RRAGB: variants seen among roughly 807,000 people sequenced by gnomAD.
RRAGB encodes the protein ras-related GTP-binding protein B.
In RRAGB, 6 loss-of-function variants were observed where a neutral mutation model predicts 29.3. The observed-to-expected ratio is 0.21, with a 90% CI of 0.11 to 0.40. The LOEUF (loss-of-function observed/expected upper bound fraction) is 0.40. Ranked by LOEUF, RRAGB falls within the 10% of genes least tolerant of loss-of-function variation. The pLI is 1.00. For missense variants in RRAGB, 184 were observed against 272.9 expected (o/e 0.67, Z 2.29); for synonymous variants, 101 against 92.5 (o/e 1.09, Z -0.53).
Position 55,758,345 on chromosome X carries a change from C to G in RRAGB, c.*2C>G. 2 of 1,145,870 alleles carry G rather than the reference C, an allele frequency of 1.7e-6. No homozygotes were observed. Among genetic ancestry groups the G allele is most frequent in the Non-Finnish European group, 2.4e-6 (2 of 840,768 alleles). The allele number at this position is 1,145,870 out of a possible 1,213,427, so 94.4% of individuals were successfully genotyped here. ...AAGCAGTGTCTTCTCATGCGCTAAA[C>G]ATTGATGAATATTGTTTCACACAAA... On this transcript the variant is annotated 3_prime_UTR_variant, in exon 10 of 10. Transcript: ENST00000374941.
At chrX:55,731,219 A>G in intron 4 of RRAGB, 145 bp from the exon 5 acceptor site, 1 of 463,698 alleles carries the variant, frequency 2.2e-6, no homozygotes, top group Non-Finnish European at 3.6e-6. Context: ...GTGAGAAGGT[A>G]AGGCCAGACT....
At chrX:55,729,508 A>G in intron 4 of RRAGB, 148 bp downstream of exon 4, 1 of 399,869 alleles carries the variant, frequency 2.5e-6, no homozygotes, top group Non-Finnish European at 4.4e-6. Flanking sequence ...GTCAATAAAC[A>G]TCTCTGACTT....
chrX:55,724,591 T>C (rs1056590908), intron 3 of RRAGB, among the ~76,000 whole-genome samples: 4 of 111,595 alleles, frequency 3.6e-5, no homozygotes, highest in Non-Finnish European at 5.7e-5. Context: ...GCCTCTGGAA[T>C]GTCTACCTGT....
chrX:55,748,174 A>G (rs1193738962), intron 5 of RRAGB, among the ~76,000 whole-genome samples: 1 of 112,463 alleles, frequency 8.9e-6, no homozygotes, highest in Non-Finnish European at 1.9e-5. Context: ...TCAATGCTCA[A>G]TGGTGCCCAG....
intron 4 of RRAGB, among the ~76,000 whole-genome samples, chrX:55,730,289 A>G (rs773533359): frequency 2.1e-4 from 24 of 112,337 alleles, no homozygotes; most frequent in Non-Finnish European, 3.6e-4. Context: ...GGATCACTTA[A>G]CATCCTAGCA....
intron 5 of RRAGB, among the ~76,000 whole-genome samples, chrX:55,733,710 T>C (rs911526416): frequency 8.9e-6 from 1 of 112,380 alleles, no homozygotes; most frequent in East Asian, 2.8e-4. Flanking sequence ...TTTGCTAATA[T>C]TTAGTTGAAG....
chrX:55,722,250 A>G lies in RRAGB; in HGVS notation c.191A>G (p.Tyr64Cys). ...ATGAGGTCTATTATCTTTGCAAATT[A>G]TATTGCCAGAGACACACGTCGCCTT... ...TSMRSIIFAN[Y>C]IARDTRRLGA... Residue 64 changes from tyrosine (Y) to cysteine (C), a missense_variant, in exon 3 of 10, where the codon TAT (tyrosine) becomes TGT (cysteine). Tyr to Cys is a radical substitution (Grantham distance 194). Coordinates refer to ENST00000374941, the MANE Select transcript of RRAGB (RefSeq NM_006064.5). The G allele has an allele frequency of 8.3e-7, 1 of 1,197,710 alleles. No homozygotes were observed. Among genetic ancestry groups the G allele is most frequent in the Non-Finnish European group, 1.1e-6 (1 of 884,100 alleles).
intron 7 of RRAGB, chrX:55,755,503 A>G: frequency 1.4e-6 from 1 of 733,567 alleles, no homozygotes; most frequent in Non-Finnish European, 1.6e-6. Flanking sequence ...TTTCTTTTTG[A>G]TTGATACTTT....
chrX:55,746,551 A>G (rs990214152), intron 5 of RRAGB, among the ~76,000 whole-genome samples: 1 of 112,381 alleles, frequency 8.9e-6, no homozygotes, highest in Non-Finnish European at 1.9e-5. Context: ...TGAGGAAAGA[A>G]GCTGGGGCTG....
At chrX:55,744,690 G>A (rs2034189697) in intron 5 of RRAGB, among the ~76,000 whole-genome samples, 1 of 112,252 alleles carries the variant, frequency 8.9e-6, no homozygotes, top group Admixed American at 9.4e-5. Flanking sequence ...CAGCAGCTGG[G>A]CTTTGCTTCA....
chrX:55,753,622 C>A, intron 7 of RRAGB, 108 bp downstream of exon 7: 1 of 765,246 alleles, frequency 1.3e-6, no homozygotes, highest in Non-Finnish European at 1.9e-6. Context: ...TCCCTCTTGT[C>A]AACTTTAGCA....
At chrX:55,719,230 A>G (rs2011456717) in intron 1 of RRAGB, 84 bp from the exon 2 acceptor site, 1 of 837,462 alleles carries the variant, frequency 1.2e-6, no homozygotes, top group African/African-American at 2.0e-5. Context: ...GCTCTTTTGT[A>G]CCTCCATGTT....
At chrX:55,724,264 T>C (rs1489660864) in intron 3 of RRAGB, among the ~76,000 whole-genome samples, 1 of 112,315 alleles carries the variant, frequency 8.9e-6, no homozygotes, top group Non-Finnish European at 1.9e-5. Flanking sequence ...GTTTTGTTTG[T>C]TTTAGCCCAT....
intron 5 of RRAGB, among the ~76,000 whole-genome samples, chrX:55,735,010 A>T (rs1327366312): frequency 2.7e-5 from 3 of 112,235 alleles, no homozygotes; most frequent in Non-Finnish European, 1.9e-5. Flanking sequence ...TTGATTTTTT[A>T]AAATTTATTA....
chrX:55,732,530 A>G (rs191201702), intron 5 of RRAGB, among the ~76,000 whole-genome samples: 13 of 111,755 alleles, frequency 1.2e-4, no homozygotes, highest in African/African-American at 3.9e-4. Context: ...GTGGTAAGGA[A>G]TACTTTTTTA....
intron 5 of RRAGB, among the ~76,000 whole-genome samples, chrX:55,749,011 G>T (rs1399574670): frequency 1.0e-5 from 1 of 99,456 alleles, no homozygotes; most frequent in Non-Finnish European, 2.1e-5. Flanking sequence ...GAGGGAGGTG[G>T]GGGGGTCAGC....
chrX:55,732,772 G>A (rs1602029432), intron 5 of RRAGB, among the ~76,000 whole-genome samples: 1 of 111,306 alleles, frequency 9.0e-6, no homozygotes, highest in African/African-American at 3.3e-5. Context: ...AATCATGTAC[G>A]CAGCTTGGGT....
chrX:55,731,698 G>T, intron 5 of RRAGB, 112 bp downstream of exon 5: 1 of 488,016 alleles, frequency 2.0e-6, no homozygotes, highest in Admixed American at 4.5e-5. Context: ...GTCAGCAGAA[G>T]TTTTGAAAGT....
At chrX:55,725,219 G>A (rs536933616) in intron 3 of RRAGB, among the ~76,000 whole-genome samples, 1 of 112,088 alleles carries the variant, frequency 8.9e-6, no homozygotes, top group South Asian at 3.7e-4. Context: ...TATGTAGCAG[G>A]CACAGAGAAC....
Sources: gnomAD v4.1 joint callset for allele counts (sites outside exome capture counted in the v4.1 genomes callset) on GRCh38, gnomAD v4.1.1 for gene constraint, MANE v1.5 for transcripts, NCBI Gene and HGNC (gene_info 2026-07-23, HGNC 2026-07-21) for gene names.